STXBP5L: variants seen among roughly 807,000 people sequenced by gnomAD.
STXBP5L encodes the protein syntaxin binding protein 5L.
A neutral mutation model predicts 144.5 loss-of-function variants in STXBP5L; 65 were observed. That is an observed-to-expected ratio of 0.45 (90% CI 0.37 to 0.55). The LOEUF (loss-of-function observed/expected upper bound fraction) is 0.55. Among genes scored for constraint, STXBP5L ranks in the 20% least tolerant of loss-of-function variants. The pLI, the probability that STXBP5L is intolerant of heterozygous loss-of-function variation, is 0.00. For synonymous variants in STXBP5L, 505 were observed against 469.6 expected (o/e 1.08, Z -0.97); for missense variants, 1,298 against 1,405.5 (o/e 0.92, Z 1.22).
At chr3:121,185,280 G>A (rs1438465429) in intron 9 of STXBP5L, among the ~76,000 whole-genome samples, 2 of 152,154 alleles carry the variant, frequency 1.3e-5, no homozygotes, top group Non-Finnish European at 2.9e-5. Flanking sequence ...TTCTTTTGCT[G>A]TGCAAAAGCT....
intron 22 of STXBP5L, among the ~76,000 whole-genome samples, chr3:121,401,899 A>T (rs915859712): frequency 1.3e-4 from 19 of 150,954 alleles, no homozygotes; most frequent in Middle Eastern, 3.4e-3. Flanking sequence ...TATAATAAAA[A>T]AAAAAAAAAA....
At chr3:121,290,973 C>T (rs2108464251) in intron 19 of STXBP5L, among the ~76,000 whole-genome samples, 1 of 152,152 alleles carries the variant, frequency 6.6e-6, no homozygotes, top group Admixed American at 6.5e-5. Context: ...GAAAACATTC[C>T]TTCTGAGAAT....
At chr3:120,920,659 C>T (rs1709318589) in intron 2 of STXBP5L, among the ~76,000 whole-genome samples, 1 of 151,704 alleles carries the variant, frequency 6.6e-6, no homozygotes, top group African/African-American at 2.4e-5. Context: ...TCCCACCCTC[C>T]TTCCAGGCCT....
chr3:121,379,830 C>G (rs1333493893), intron 21 of STXBP5L, among the ~76,000 whole-genome samples: 1 of 151,940 alleles, frequency 6.6e-6, no homozygotes, highest in African/African-American at 2.4e-5. Flanking sequence ...GAAGTAGCCC[C>G]CTTTTAATTT....
intron 10 of STXBP5L, among the ~76,000 whole-genome samples, chr3:121,208,971 A>G (rs1261185401): frequency 6.6e-6 from 1 of 151,068 alleles, no homozygotes; most frequent in African/African-American, 2.4e-5. Flanking sequence ...CCCTATGTCC[A>G]TGTATTCTCA....
chr3:121,402,435 A>G (rs1022688453), intron 22 of STXBP5L, among the ~76,000 whole-genome samples: 1 of 152,146 alleles, frequency 6.6e-6, no homozygotes, highest in African/African-American at 2.4e-5. Context: ...TATTGATCCT[A>G]CCATTTTCAT....
chr3:121,324,826 G>A (rs948221357), intron 20 of STXBP5L, among the ~76,000 whole-genome samples: 15 of 151,978 alleles, frequency 9.9e-5, no homozygotes, highest in African/African-American at 7.2e-5. Context: ...CAAAATTTTG[G>A]TAGTGTTGTT....
intron 20 of STXBP5L, among the ~76,000 whole-genome samples, chr3:121,340,798 T>A (rs1294980600): frequency 1.3e-5 from 2 of 151,992 alleles, no homozygotes; most frequent in Middle Eastern, 6.3e-3. Flanking sequence ...TAACAACAAC[T>A]TTTCAAGTCA....
chr3:121,224,359 A>G (rs1447688173), intron 11 of STXBP5L, among the ~76,000 whole-genome samples: 1 of 152,188 alleles, frequency 6.6e-6, no homozygotes, highest in Non-Finnish European at 1.5e-5. Flanking sequence ...ATATTAAATA[A>G]TAATCAATGT....
chr3:121,359,295 C>A (rs946433199), intron 20 of STXBP5L, among the ~76,000 whole-genome samples: 3 of 152,034 alleles, frequency 2.0e-5, no homozygotes, highest in Admixed American at 2.0e-4. Context: ...ATCTTTTGAT[C>A]AGATTATTAG....
intron 20 of STXBP5L, among the ~76,000 whole-genome samples, chr3:121,348,456 A>G (rs2045106334): frequency 6.6e-6 from 1 of 152,034 alleles, no homozygotes; most frequent in Non-Finnish European, 1.5e-5. Context: ...TGGTATCAGG[A>G]TGATGCTGGC....
chr3:121,386,589 T>G (rs2046431032), intron 22 of STXBP5L, among the ~76,000 whole-genome samples: 1 of 152,080 alleles, frequency 6.6e-6, no homozygotes, highest in African/African-American at 2.4e-5. Context: ...TGTGTGATGT[T>G]CCCTGCGCTG....
At chr3:121,338,480 C>A (rs1252421522) in intron 20 of STXBP5L, among the ~76,000 whole-genome samples, 1 of 149,434 alleles carries the variant, frequency 6.7e-6, no homozygotes, top group Non-Finnish European at 1.5e-5. Flanking sequence ...CCTGTCTCTA[C>A]TAAAAATACA....
chr3:121,234,337 G>A (rs73191442), intron 12 of STXBP5L, among the ~76,000 whole-genome samples: 5,407 of 152,060 alleles, frequency 0.036, 147 homozygotes, highest in Middle Eastern at 0.082. Flanking sequence ...CCTTGGCCTG[G>A]AATGACTTTC....
At chr3:121,357,502 T>A (rs1019302927) in intron 20 of STXBP5L, 3 of 152,434 alleles carry the variant, frequency 2.0e-5, no homozygotes, top group African/African-American at 4.8e-5. Flanking sequence ...GACAGCAAGA[T>A]GCCTTTTGAT....
At chr3:121,262,851 G>A (rs1311413633) in intron 18 of STXBP5L, among the ~76,000 whole-genome samples, 4 of 152,210 alleles carry the variant, frequency 2.6e-5, no homozygotes, top group Admixed American at 6.5e-5. Flanking sequence ...CCATCTCCCT[G>A]GGACAGAGCA....
At chr3:121,288,574 G>T (rs2051309414) in intron 19 of STXBP5L, among the ~76,000 whole-genome samples, 1 of 152,148 alleles carries the variant, frequency 6.6e-6, no homozygotes, top group South Asian at 2.1e-4. Context: ...GTTTTGATTT[G>T]CATTTTTCTA....
intron 22 of STXBP5L, among the ~76,000 whole-genome samples, chr3:121,388,509 G>A (rs1470854705): frequency 2.6e-5 from 4 of 152,270 alleles, no homozygotes; most frequent in South Asian, 4.1e-4. Context: ...TGCCCAGTCA[G>A]CATGATATTG....
At chr3:121,417,611 A>G (rs530001950) in intron 25 of STXBP5L, among the ~76,000 whole-genome samples, 2 of 152,158 alleles carry the variant, frequency 1.3e-5, no homozygotes, top group African/African-American at 4.8e-5. Flanking sequence ...GACTACAGGC[A>G]CATGTCACCA....
Sources: gnomAD v4.1 joint callset for allele counts (sites outside exome capture counted in the v4.1 genomes callset) on GRCh38, gnomAD v4.1.1 for gene constraint, MANE v1.5 for transcripts, NCBI Gene and HGNC (gene_info 2026-07-23, HGNC 2026-07-21) for gene names.